LGI2: variants seen among roughly 807,000 people sequenced by gnomAD.
LGI2 encodes the protein leucine rich repeat LGI family member 2.
Under a neutral mutation model 52.0 loss-of-function variants are expected in LGI2, and 30 were observed. That is an observed-to-expected ratio of 0.58 (90% confidence interval 0.43 to 0.78). The LOEUF is 0.78. Ranked by LOEUF, LGI2 falls within the 30% of genes least tolerant of loss-of-function variation. LGI2 has a pLI of 0.00. For synonymous variants in LGI2, 270 were observed against 271.8 expected (o/e 0.99, Z 0.06); for missense variants, 573 against 692.5 (o/e 0.83, Z 1.94).
chr4:24,993,386 G>C, the LGI2 span, among the ~76,000 whole-genome samples: 10 of 152,170 alleles, frequency 6.6e-5, no homozygotes, highest in African/African-American at 2.4e-4. Flanking sequence ...TTTGTGAAGA[G>C]TCCTGAGAAT....
rs768990897 is a variant in LGI2 at position 25,026,884 on chromosome 4, A to G, written c.325T>C (p.Phe109Leu). The G allele has an allele frequency of 2.5e-6, 4 of 1,613,260 alleles. No homozygotes were observed. The highest frequency in any genetic ancestry group is 3.4e-6 in the Non-Finnish European group (4 of 1,179,146). ...IIRDDAFAGLFHLEYLFIEGN... is the reference protein window; with the variant it reads ...IIRDDAFAGLLHLEYLFIEGN... Reference sequence around the variant, plus strand: ...AAAACTTACAGGTATTCAAGATGAAAAAGTCCAGCAAAAGCATCATCCCGG... The same window carrying G: ...AAAACTTACAGGTATTCAAGATGAAGAAGTCCAGCAAAAGCATCATCCCGG... Residue 109 changes from phenylalanine (F) to leucine (L), a missense_variant, in exon 3 of 8, where the codon TTT (phenylalanine) becomes CTT (leucine). Phe to Leu is a conservative substitution (Grantham distance 22). Transcript: ENST00000382114.
intron 6 of LGI2, 122 bp downstream of exon 6, chr4:25,017,867 C>A: frequency 3.3e-6 from 3 of 898,244 alleles, no homozygotes; most frequent in Non-Finnish European, 4.6e-6. Context: ...TTTAAAATTT[C>A]TCTAAAACAA....
At position 25,019,184 on chromosome 4, in the gene LGI2, T is replaced by G; in HGVS notation, c.468A>C (p.Leu156Phe). Residue 156 changes from leucine to phenylalanine, a missense_variant, in exon 5 of 8, where the codon TTA becomes TTC. Physicochemically the swap from Leu to Phe is conservative, Grantham distance 22 (BLOSUM62 0). Coordinates refer to ENST00000382114, the MANE Select transcript of LGI2 (RefSeq NM_018176.4). ...TTACTTACAGTTCAATCAGAGAGTC[T>G]AAATCACTGAAGACATCCCTTGGTA... ...KALPRDVFSD[L>F]DSLIELDLRG... 1 of 1,604,884 alleles carries G rather than the reference T, an allele frequency of 6.2e-7. No homozygotes were observed. The highest frequency in any genetic ancestry group is 1.1e-5 in the South Asian group (1 of 90,076).
At chr4:25,024,338 G>A (rs1726071795) in intron 4 of LGI2, among the ~76,000 whole-genome samples, 1 of 152,032 alleles carries the variant, frequency 6.6e-6, no homozygotes, top group Non-Finnish European at 1.5e-5. Flanking sequence ...ACATAGTGAG[G>A]CCCCGTCTCT....
intron 5 of LGI2, among the ~76,000 whole-genome samples, chr4:25,018,874 AT>A: frequency 6.6e-6 from 1 of 151,998 alleles, no homozygotes; most frequent in South Asian, 2.1e-4. Flanking sequence ...AAAAAAAAAA[AT>A]ACATCCAGTA....
chr4:25,030,665 G>A lies in LGI2; in HGVS notation c.29C>T (p.Ala10Val). Residue 10 changes from alanine (A) to valine (V), a missense_variant, in exon 1 of 8, where the codon GCG (alanine) becomes GTG (valine). By Grantham distance (64) the Ala-to-Val change is moderately conservative. Coordinates refer to ENST00000382114, the MANE Select transcript of LGI2 (RefSeq NM_018176.4). MALRRGGCG[A>V]LGLLLLLLGA... ...CAGCAGCAGCAGCAGCAGCCCGAGC[G>A]CTCCGCAGCCGCCTCTCCGCAGCGC... The A allele has an allele frequency of 2.6e-6, 4 of 1,521,156 alleles. No homozygotes were observed. The highest frequency in any genetic ancestry group is 3.5e-6 in the Non-Finnish European group (4 of 1,137,328). The allele number at this position is 1,521,156 out of a possible 1,614,324, so 94.2% of individuals were successfully genotyped here. A position where few individuals can be genotyped will look rare whatever the true frequency, so the allele number is the denominator to read the frequency against.
At position 25,003,469 on chromosome 4, in the gene LGI2, A is replaced by T; in HGVS notation, c.1620T>A (p.Ile540=). The change falls in exon 8 of 8, where the codon ATT becomes ATA. Residue 540 remains isoleucine (I), a synonymous_variant. Coordinates refer to ENST00000382114, the MANE Select transcript of LGI2 (RefSeq NM_018176.4). ...KGKTKIFEHI[I]VDLSL is the part of the protein sequence containing the mutation. ...CACACCTTCACAAACTTAAGTCAAC[A>T]ATTATATGTTCAAAAATCTTTGTTT... is the stretch of plus-strand genomic sequence containing the variant. The T allele has an allele frequency of 6.3e-7, 1 of 1,590,948 alleles. No individual in the cohort carries two copies. The highest frequency in any genetic ancestry group is 1.8e-5 in the Admixed American group (1 of 54,374).
At position 25,004,062 on chromosome 4, in the gene LGI2, C is replaced by T. The variant is rs761882641; in HGVS notation, c.1027G>A (p.Ala343Thr). ...QIDDETFFVI[A>T]DSSKAGLSTV... The stretch of plus-strand genomic sequence containing the variant: ...GACAGACCAGCCTTTGAGCTGTCTG[C>T]GATGACAAAGAACGTCTCGTCGTCG... The change falls in exon 8 of 8, where the codon GCA (alanine) becomes ACA (threonine). Residue 343 changes from alanine (A) to threonine (T), a missense_variant. By Grantham distance (58) the Ala-to-Thr change is moderately conservative. Transcript: ENST00000382114. The surrounding 1 kb of genome is among the most constrained non-coding windows in gnomAD (Gnocchi z 4.6). 12 of 1,614,030 alleles carry T rather than the reference C, an allele frequency of 7.4e-6. No individual in the cohort carries two copies. Among genetic ancestry groups the T allele is most frequent in the African/African-American group, 6.7e-5 (5 of 74,888 alleles).
Position 25,004,004 on chromosome 4 carries a change from T to C in LGI2, c.1085A>G (p.Tyr362Cys). 6.2e-7 allele frequency: 1 copy of C among 1,614,196 alleles called. No homozygotes were observed. Among genetic ancestry groups the C allele is most frequent in the Non-Finnish European group, 8.5e-7 (1 of 1,180,030 alleles). ...TVYKWNSKGF[Y>C]SYQSLHEWFR... ...CCACTCGTGCAGTGACTGGTAAGAATAGAATCCTTTGCTGTTCCATTTATA... is the reference window on the plus strand; with the variant it reads ...CCACTCGTGCAGTGACTGGTAAGAACAGAATCCTTTGCTGTTCCATTTATA... The change falls in exon 8 of 8, where the codon TAT becomes TGT. Residue 362 changes from tyrosine to cysteine, a missense_variant. By Grantham distance (194) the Tyr-to-Cys change is radical. Transcript: ENST00000382114. This position sits in a 1 kb window ranked among gnomAD's most constrained non-coding sequence, Gnocchi z 4.6.
intron 7 of LGI2, among the ~76,000 whole-genome samples, chr4:25,010,026 GAATA>G (rs1432070124): frequency 6.6e-6 from 1 of 152,062 alleles, no homozygotes; most frequent in African/African-American, 2.4e-5. Flanking sequence ...GAGAATGAAT[GAATA>G]AATTTAAGAA....
chr4:25,025,970 C>T (rs912150520), intron 3 of LGI2, among the ~76,000 whole-genome samples: 1 of 152,194 alleles, frequency 6.6e-6, no homozygotes, highest in Non-Finnish European at 1.5e-5. Flanking sequence ...AGTCCTGCTA[C>T]ACTTTCCATA....
downstream of LGI2, among the ~76,000 whole-genome samples, chr4:24,997,436 T>C (rs1390101022): frequency 6.6e-6 from 1 of 152,200 alleles, no homozygotes; most frequent in East Asian, 1.9e-4. Context: ...AAAATTTAGT[T>C]CTTTTCTGTA....
rs767317054 is a variant in LGI2 at position 25,003,543 on chromosome 4, C to A, written c.1546G>T (p.Val516Phe). The change falls in exon 8 of 8, where the codon GTC (valine) becomes TTC (phenylalanine). Residue 516 changes from valine (V) to phenylalanine (F), a missense_variant. Transcript: ENST00000382114. ...YVQAPRSFTAVSTDRRDFFFA... is the reference protein window; with the variant it reads ...YVQAPRSFTAFSTDRRDFFFA... ...AAGAAATCTCTCCTGTCGGTGGAGACAGCTGTGAATGAACGAGGCGCCTGC... is the reference window on the plus strand; with the variant it reads ...AAGAAATCTCTCCTGTCGGTGGAGAAAGCTGTGAATGAACGAGGCGCCTGC... The A allele has an allele frequency of 2.5e-6, 4 of 1,613,890 alleles. No individual in the cohort carries two copies. The Admixed American group carries it at 6.7e-5, about 27-fold the overall frequency.
chr4:25,010,333 C>A (rs1404453784), intron 7 of LGI2, among the ~76,000 whole-genome samples: 1 of 152,138 alleles, frequency 6.6e-6, no homozygotes, highest in Non-Finnish European at 1.5e-5. Flanking sequence ...CCAAGGTCAA[C>A]CTGGGAGAGA....
chr4:25,023,495 G>A lies in LGI2; in HGVS notation c.413+1325C>T, dbSNP rs1577559891. The stretch of plus-strand genomic sequence containing the variant: ...TACCCGATAGGCTTTAACTTAGGCA[G>A]AGCCTCTACTTGTGGGCGTTCCAGA... On this transcript the variant is annotated intron_variant, in intron 4 of 7. Coordinates refer to ENST00000382114, the MANE Select transcript of LGI2 (RefSeq NM_018176.4). Among the ~76,000 whole-genome samples, 3 of 152,232 alleles carry A rather than the reference G, an allele frequency of 2.0e-5. No homozygotes were observed. The East Asian group carries it at 5.8e-4, about 29-fold the overall frequency.
At chr4:25,022,548 C>T (rs1015826618) in intron 4 of LGI2, among the ~76,000 whole-genome samples, 13 of 152,142 alleles carry the variant, frequency 8.5e-5, no homozygotes, top group African/African-American at 2.9e-4. Flanking sequence ...AGGACTCCCT[C>T]GCTCCCTCTG....
At chr4:24,996,568 G>A (rs536800478), downstream of LGI2, among the ~76,000 whole-genome samples, 10 of 152,254 alleles carry the variant, frequency 6.6e-5, no homozygotes, top group African/African-American at 2.2e-4. Context: ...GCTGGGGCCC[G>A]GGACAAGCAT....
rs548059879 is a variant in LGI2 at position 25,030,732 on chromosome 4, C to A, written c.-39G>T. 4.5e-5 allele frequency: 51 copies of A among 1,121,636 alleles called. No homozygotes were observed. The highest frequency in any genetic ancestry group is 5.5e-5 in the Non-Finnish European group (50 of 912,982). The allele number at this position is 1,121,636 out of a possible 1,614,324, so 69.5% of individuals were successfully genotyped here. A position where few individuals can be genotyped will look rare whatever the true frequency, so the allele number is the denominator to read the frequency against. ...TCCCCGCCCGGGCCCCGACCCCCACCGCCGCGCCGCGCGCTCGGACCCGGC... is the reference window on the plus strand; with the variant it reads ...TCCCCGCCCGGGCCCCGACCCCCACAGCCGCGCCGCGCGCTCGGACCCGGC... On this transcript the variant is annotated 5_prime_UTR_variant, in exon 1 of 8. Transcript: ENST00000382114.
At position 25,030,729 on chromosome 4, in the gene LGI2, C is replaced by T; in HGVS notation, c.-36G>A. 8.7e-7 allele frequency: 1 copy of T among 1,147,070 alleles called. No homozygotes were observed. Among genetic ancestry groups the T allele is most frequent in the Non-Finnish European group, 1.1e-6 (1 of 931,418 alleles). 71.1% of individuals were successfully genotyped at this position (1,147,070 alleles called of 1,614,324 possible). On this transcript the variant is annotated 5_prime_UTR_variant, in exon 1 of 8. The change creates a premature stop within an existing upstream ORF in the 5' untranslated region. Transcript: ENST00000382114. Reference sequence around the variant, plus strand: ...CGCTCCCCGCCCGGGCCCCGACCCCCACCGCCGCGCCGCGCGCTCGGACCC... The same window carrying T: ...CGCTCCCCGCCCGGGCCCCGACCCCTACCGCCGCGCCGCGCGCTCGGACCC...
Sources: gnomAD v4.1 joint callset for allele counts (sites outside exome capture counted in the v4.1 genomes callset) on GRCh38, gnomAD v4.1.1 for gene constraint, Gnocchi (gnomAD v3.1) non-coding constraint, MANE v1.5 for transcripts, NCBI Gene and HGNC (gene_info 2026-07-23, HGNC 2026-07-21) for gene names.